Variants in LSAMP observed in about 807,000 individuals in gnomAD.
The protein encoded by LSAMP is limbic system-associated membrane protein.
In LSAMP, 7 loss-of-function variants were observed where a neutral mutation model predicts 38.6. The ratio of observed to expected loss-of-function variants is 0.18; its 90% CI spans 0.10 to 0.34. LSAMP has a LOEUF of 0.34. LSAMP is among the 10% of genes least tolerant of loss of function. The pLI, the probability that LSAMP is intolerant of heterozygous loss-of-function variation, is 1.00. For synonymous variants in LSAMP, 154 were observed against 166.8 expected (o/e 0.92, Z 0.59); for missense variants, 313 against 420.0 (o/e 0.75, Z 2.23).
At chr3:115,910,609 A>G (rs1937113215) in intron 3 of LSAMP, among the ~76,000 whole-genome samples, 1 of 152,176 alleles carries the variant, frequency 6.6e-6, no homozygotes, top group South Asian at 2.1e-4. Flanking sequence ...AAAAGCATAT[A>G]TTGAGCTTGA....
At chr3:116,328,359 G>C (rs1212155347) in intron 1 of LSAMP, among the ~76,000 whole-genome samples, 1 of 152,100 alleles carries the variant, frequency 6.6e-6, no homozygotes, top group Admixed American at 6.6e-5. Context: ...TAAATTAATA[G>C]GCAAAAGACT....
intron 1 of LSAMP, among the ~76,000 whole-genome samples, chr3:116,413,883 G>A (rs2049012922): frequency 6.9e-6 from 1 of 144,450 alleles, no homozygotes; most frequent in South Asian, 2.4e-4. Flanking sequence ...CAGTCACCTG[G>A]TAGTCTCACA....
At chr3:115,851,626 GTGTGCCTA>G (rs1280378217) in intron 4 of LSAMP, among the ~76,000 whole-genome samples, 2 of 152,196 alleles carry the variant, frequency 1.3e-5, no homozygotes, top group African/African-American at 4.8e-5. Context: ...ATGTATGCCT[GTGTGCCTA>G]TATGTGTGTA....
In LSAMP at chr3:116,138,573, C is replaced by G. The variant is rs1709301997; in HGVS notation, c.156-52017G>C. Among the ~76,000 whole-genome samples, 3 of 152,094 alleles carry G rather than the reference C, an allele frequency of 2.0e-5. No homozygotes were observed. The South Asian group carries it at 6.2e-4, about 32-fold the overall frequency. The stretch of plus-strand genomic sequence containing the variant: ...TGTCAGAGATGCCATGGCAATACAA[C>G]TTTTGCTTGGATTCTAGGAGCAGCA... On this transcript the variant is annotated intron_variant, in intron 1 of 6. Transcript: ENST00000490035.
At chr3:116,354,845 A>ATATGTGTGTGTGTG (rs996071021) in intron 1 of LSAMP, among the ~76,000 whole-genome samples, 2 of 146,320 alleles carry the variant, frequency 1.4e-5, no homozygotes, top group African/African-American at 5.0e-5. Flanking sequence ...GGGTGTATAT[A>ATATGTGTGTGTGTG]TGTGTGTGTG....
Position 116,218,870 on chromosome 3 carries a change from G to A in LSAMP, c.156-132314C>T, listed in dbSNP as rs146833604. Among the ~76,000 whole-genome samples the A allele has an allele frequency of 2.9e-3, 434 of 152,250 alleles. 7 individuals are homozygous for A. Among genetic ancestry groups the A allele is most frequent in the Admixed American group, 0.018 (273 of 15,292 alleles). On this transcript the variant is annotated intron_variant, in intron 1 of 6. Transcript: ENST00000490035. ...TAGCTTTTCAACTTACTCTGAGTGG[G>A]TTCAAATTTTCTATTGGTAACAATG...
chr3:116,365,701 A>T (rs1480225552), intron 1 of LSAMP, among the ~76,000 whole-genome samples: 1 of 91,210 alleles, frequency 1.1e-5, no homozygotes, highest in African/African-American at 6.5e-5. Context: ...TGATGAGTTC[A>T]TATCCTTTGT....
At chr3:116,393,267 C>A (rs991459504) in intron 1 of LSAMP, among the ~76,000 whole-genome samples, 3 of 152,146 alleles carry the variant, frequency 2.0e-5, no homozygotes, top group Non-Finnish European at 2.9e-5. Context: ...GGCTGTGACT[C>A]CCTCTTTGGG....
In LSAMP at chr3:116,158,128, G is replaced by A. The variant is rs533362163; in HGVS notation, c.156-71572C>T. ...AAAAGAGATCATCTTAATAGATACA[G>A]AAAAGGCTTTTGTTAAAAGTCAACA... On this transcript the variant is annotated intron_variant, in intron 1 of 6. Transcript: ENST00000490035. Among the ~76,000 whole-genome samples the A allele has an allele frequency of 2.0e-5, 3 of 152,238 alleles. No individual in the cohort carries two copies. In the South Asian group the frequency reaches 6.2e-4, roughly 32 times the overall value.
At chr3:115,930,655 C>T (rs549425004) in intron 3 of LSAMP, among the ~76,000 whole-genome samples, 5 of 152,322 alleles carry the variant, frequency 3.3e-5, no homozygotes, top group Admixed American at 1.3e-4. Context: ...CCAAATGAAA[C>T]ATGCACCTGT....
At chr3:116,104,469 C>T (rs1265306197) in intron 1 of LSAMP, among the ~76,000 whole-genome samples, 3 of 151,600 alleles carry the variant, frequency 2.0e-5, no homozygotes, top group African/African-American at 7.3e-5. Flanking sequence ...CCATGCAGCT[C>T]ACCCAGGCTT....
chr3:115,903,835 T>C (rs980459206), intron 3 of LSAMP, among the ~76,000 whole-genome samples: 1 of 152,176 alleles, frequency 6.6e-6, no homozygotes, highest in African/African-American at 2.4e-5. Context: ...CACACTTTGG[T>C]AAACTCTTAT....
chr3:116,078,083 C>T (rs561825159), intron 2 of LSAMP, among the ~76,000 whole-genome samples: 83 of 152,174 alleles, frequency 5.5e-4, no homozygotes, highest in African/African-American at 1.9e-3. Flanking sequence ...TTTCTCTCTT[C>T]GTATTTAACA....
At chr3:116,110,577 C>A (rs1042547624) in intron 1 of LSAMP, among the ~76,000 whole-genome samples, 1 of 152,054 alleles carries the variant, frequency 6.6e-6, no homozygotes, top group Non-Finnish European at 1.5e-5. Flanking sequence ...TGAAGTGTGG[C>A]GCCAAGATTG....
At chr3:115,995,050 G>T (rs1356383992) in intron 3 of LSAMP, among the ~76,000 whole-genome samples, 1 of 152,110 alleles carries the variant, frequency 6.6e-6, no homozygotes, top group African/African-American at 2.4e-5. Context: ...AAGCTTTCCT[G>T]TACTTGTGTA....
At chr3:115,844,000 G>A (rs1000401051) in intron 4 of LSAMP, among the ~76,000 whole-genome samples, 6 of 152,194 alleles carry the variant, frequency 3.9e-5, no homozygotes, top group Non-Finnish European at 5.9e-5. Context: ...GTCATAAAAC[G>A]AACCCTGGAT....
chr3:115,827,468 C>T lies in LSAMP; in HGVS notation c.919+14377G>A, dbSNP rs372269461. Among the ~76,000 whole-genome samples the T allele has an allele frequency of 6.6e-5, 10 of 150,876 alleles. No individual in the cohort carries two copies. In the East Asian group the frequency reaches 1.6e-3, roughly 23 times the overall value. On this transcript the variant is annotated intron_variant, in intron 6 of 6. Transcript: ENST00000490035. ...GGTGCTTAAGTCAGAATCTTTATTG[C>T]GAGTATGGGGCAGATAAAAAGTAGA...
At chr3:116,017,696 C>T (rs1344652651) in intron 3 of LSAMP, among the ~76,000 whole-genome samples, 1 of 152,074 alleles carries the variant, frequency 6.6e-6, no homozygotes, top group African/African-American at 2.4e-5. Flanking sequence ...TCACTGGGTC[C>T]TTTCTTAAAA....
At chr3:116,066,378 G>A (rs569496897) in intron 2 of LSAMP, among the ~76,000 whole-genome samples, 18 of 152,332 alleles carry the variant, frequency 1.2e-4, no homozygotes, top group Admixed American at 7.2e-4. Context: ...AGGAGCTGCT[G>A]CATCAGCAAC....
Sources: gnomAD v4.1 joint callset for allele counts (sites outside exome capture counted in the v4.1 genomes callset) on GRCh38, gnomAD v4.1.1 for gene constraint, MANE v1.5 for transcripts, NCBI Gene and HGNC (gene_info 2026-07-23, HGNC 2026-07-21) for gene names.